Variants in ZNF536 observed in about 807,000 individuals in gnomAD.
The protein encoded by ZNF536 is zinc finger protein 536.
In ZNF536, 13 loss-of-function variants were observed where a neutral mutation model predicts 84.5. The observed-to-expected ratio is 0.15, with a 90% CI of 0.10 to 0.24. The LOEUF is 0.24. ZNF536 is among the 10% of genes least tolerant of loss of function. The pLI is 1.00. For missense variants in ZNF536, 1,536 were observed against 1,747.5 expected (o/e 0.88, Z 2.16); for synonymous variants, 811 against 742.5 (o/e 1.09, Z -1.50).
intron 1 of ZNF536, among the ~76,000 whole-genome samples, chr19:30,653,748 T>A (rs2049799587): frequency 6.6e-6 from 1 of 152,096 alleles, no homozygotes; most frequent in African/African-American, 2.4e-5. Flanking sequence ...GAGGTGTGGC[T>A]CTTCCCTTCT....
intron 2 of ZNF536, among the ~76,000 whole-genome samples, chr19:30,297,902 G>T (rs2046052831): frequency 8.4e-6 from 1 of 119,626 alleles, no homozygotes; most frequent in Admixed American, 9.0e-5. Flanking sequence ...TCAAGACGGA[G>T]TCCCCCCCCC....
At chr19:30,311,857 C>T (rs2046515268) in intron 2 of ZNF536, among the ~76,000 whole-genome samples, 1 of 152,068 alleles carries the variant, frequency 6.6e-6, no homozygotes, top group East Asian at 1.9e-4. Flanking sequence ...TCACTTGAGG[C>T]CAGGAGTTCG....
intron 2 of ZNF536, among the ~76,000 whole-genome samples, chr19:30,348,817 T>TTC (rs996271925): frequency 5.3e-5 from 8 of 151,014 alleles, no homozygotes; most frequent in Non-Finnish European, 1.0e-4. Context: ...TTCTTTTCTT[T>TTC]TTTTTTTTTT....
chr19:30,547,846 CT>C (rs1260791875), intron 3 of ZNF536, 96 bp from the exon 4 acceptor site: 2 of 1,384,964 alleles, frequency 1.4e-6, no homozygotes, highest in African/African-American at 2.9e-5. Context: ...GTTTGAGCTG[CT>C]TTGTTTCAAA....
At chr19:30,254,949 G>A (rs2145154538) in intron 1 of ZNF536, among the ~76,000 whole-genome samples, 2 of 152,308 alleles carry the variant, frequency 1.3e-5, no homozygotes, top group East Asian at 3.9e-4. Context: ...CCTTGGAGTG[G>A]TTAGTGTTTC....
intron 2 of ZNF536, among the ~76,000 whole-genome samples, chr19:30,509,334 A>T (rs1311239935): frequency 6.7e-6 from 1 of 148,396 alleles, no homozygotes; most frequent in Admixed American, 6.8e-5. Flanking sequence ...CGTATGTATA[A>T]GATATGATTA....
intron 2 of ZNF536, among the ~76,000 whole-genome samples, chr19:30,320,487 C>G (rs951035519): frequency 2.6e-5 from 4 of 152,128 alleles, no homozygotes; most frequent in Admixed American, 2.6e-4. Flanking sequence ...TCTTTGTCCT[C>G]TTTATCTCCT....
intron 2 of ZNF536, among the ~76,000 whole-genome samples, chr19:30,343,169 C>T (rs1386054115): frequency 6.6e-6 from 1 of 152,210 alleles, no homozygotes; most frequent in Non-Finnish European, 1.5e-5. Flanking sequence ...GTACCCCTTC[C>T]TAAGAAAGAG....
intron 1 of ZNF536, among the ~76,000 whole-genome samples, chr19:30,230,806 A>C (rs746583263): frequency 3.3e-5 from 5 of 152,172 alleles, no homozygotes; most frequent in African/African-American, 7.2e-5. Flanking sequence ...ACTTTTGAGC[A>C]AGAGAAGCTT....
chr19:30,444,787 C>T lies in ZNF536; in HGVS notation c.1225C>T (p.Pro409Ser), dbSNP rs2148198347. 1 of 1,613,906 alleles carries T rather than the reference C, an allele frequency of 6.2e-7. No individual in the cohort carries two copies. Reference sequence around the variant, plus strand: ...GGTGAAGAACAAGTCCCCCAGCGACCCCGAGGTGCCTGTGCCCATGGGCGG... The same window carrying T: ...GGTGAAGAACAAGTCCCCCAGCGACTCCGAGGTGCCTGTGCCCATGGGCGG... ...LSVKNKSPSD[P>S]EVPVPMGGMS... Residue 409 changes from proline to serine, a missense_variant, in exon 2 of 5, where the codon CCC becomes TCC. Pro to Ser is a moderately conservative substitution (Grantham distance 74). Around this residue, in one of 8 missense-constraint regions of ZNF536, gnomAD observed 366 missense variants for 364.4 expected, o/e 1.00. Coordinates refer to ENST00000355537, the MANE Select transcript of ZNF536 (RefSeq NM_014717.3).
At chr19:30,242,183 T>C (rs2023985482) in intron 1 of ZNF536, among the ~76,000 whole-genome samples, 1 of 152,006 alleles carries the variant, frequency 6.6e-6, no homozygotes, top group African/African-American at 2.4e-5. Context: ...TTGCCCTCCT[T>C]CTATTCTTCT....
chr19:30,601,623 G>T (rs2047689163), intron 1 of ZNF536, among the ~76,000 whole-genome samples: 1 of 152,200 alleles, frequency 6.6e-6, no homozygotes. Flanking sequence ...CAGGTGCTTA[G>T]AAACACTTCC....
At position 30,587,707 on chromosome 19, in the gene ZNF536, G is replaced by A. The variant is rs529649853; in HGVS notation, c.169+38193G>A. On this transcript the variant is annotated intron_variant, in intron 1 of 1. Coordinates refer to the ZNF536 transcript ENST00000592773. Reference sequence around the variant, plus strand: ...ATGTTTTAGGTGGCAGACTTCTGGGGAAAAGCTCCATCCCTGGAAGACTGG... The same window carrying A: ...ATGTTTTAGGTGGCAGACTTCTGGGAAAAAGCTCCATCCCTGGAAGACTGG... Among the ~76,000 whole-genome samples the A allele has an allele frequency of 3.3e-5, 5 of 152,336 alleles. No individual in the cohort carries two copies. The East Asian group carries it at 9.7e-4, about 29-fold the overall frequency.
chr19:30,408,638 T>C (rs2050359391), intron 1 of ZNF536, among the ~76,000 whole-genome samples: 1 of 152,190 alleles, frequency 6.6e-6, no homozygotes, highest in South Asian at 2.1e-4. Flanking sequence ...GGTGGTCACA[T>C]CGCAGTTGCA....
chr19:30,328,741 C>A (rs184198028), intron 2 of ZNF536, among the ~76,000 whole-genome samples: 2 of 152,342 alleles, frequency 1.3e-5, no homozygotes, highest in African/African-American at 4.8e-5. Flanking sequence ...GTGGCATGTT[C>A]ATAGATGTGA....
upstream of ZNF536, among the ~76,000 whole-genome samples, chr19:30,368,109 C>A (rs1395716266): frequency 6.6e-6 from 1 of 152,126 alleles, no homozygotes; most frequent in African/African-American, 2.4e-5. Flanking sequence ...TCCTGGGTTC[C>A]CAGATTCTTC....
Position 30,660,659 on chromosome 19 carries a change from AAT to A in ZNF536, c.170-50091_170-50090del, listed in dbSNP as rs2050090652. On this transcript the variant is annotated intron_variant, in intron 1 of 1. Transcript: ENST00000592773. ...TATTCAATTAACCTTCTTCTCATTG[AAT>A]ATATATTTGATACAACTTTTTGAAG... 5.9e-5 allele frequency among the ~76,000 whole-genome samples: 9 copies of A among 152,300 alleles called. No individual in the cohort carries two copies. The South Asian group carries it at 1.9e-3, about 32-fold the overall frequency.
intron 1 of ZNF536, among the ~76,000 whole-genome samples, chr19:30,260,055 A>T (rs1488243282): frequency 1.3e-5 from 2 of 152,012 alleles, no homozygotes; most frequent in Non-Finnish European, 2.9e-5. Context: ...GTGAGCCACC[A>T]TGCCCAGCTA....
At chr19:30,246,020 G>C (rs1599869007) in intron 1 of ZNF536, among the ~76,000 whole-genome samples, 2 of 152,316 alleles carry the variant, frequency 1.3e-5, no homozygotes, top group Middle Eastern at 6.8e-3. Flanking sequence ...CTTGATGTGG[G>C]TCCCTGGGCA....
Sources: allele counts gnomAD v4.1 joint callset (sites outside exome capture counted in the v4.1 genomes callset), GRCh38; gene constraint gnomAD v4.1.1; regional missense constraint gnomAD v4.1.1; transcripts MANE v1.5; gene names NCBI Gene and HGNC (gene_info 2026-07-23, HGNC 2026-07-21).